The following PKD1 variants were observed in gnomAD, a reference collection of about 807,000 sequenced individuals.
PKD1 encodes polycystin-1.
A neutral mutation model predicts 361.7 loss-of-function variants in PKD1; 81 were observed. The ratio of observed to expected loss-of-function variants is 0.22; its 90% CI spans 0.19 to 0.27. The LOEUF (loss-of-function observed/expected upper bound fraction) is 0.27. Among genes scored for constraint, PKD1 ranks in the 10% least tolerant of loss-of-function variants. PKD1 has a pLI of 1.00. For missense variants in PKD1, 6,399 were observed against 6,118.3 expected, an observed-to-expected ratio of 1.05 and a Z score of -1.53; for synonymous variants, 3,615 against 2,818.3, an observed-to-expected ratio of 1.28 and a Z score of -8.95.
rs765777106 is a variant in PKD1, at chr16:2,109,321, C to T, written c.5846G>A (p.Ser1949Asn). The change falls in exon 15 of 46, where the codon AGC (serine) becomes AAC (asparagine). Residue 1949 changes from serine (S) to asparagine (N), a missense_variant. Transcript: ENST00000262304. Reference sequence around the variant, plus strand: ...GCTCACGTGGTTTTTGCCCCGCACGCTCACCACGTGGTCTCCGACGCGGGG... The same window carrying T: ...GCTCACGTGGTTTTTGCCCCGCACGTTCACCACGTGGTCTCCGACGCGGGG... Reference protein sequence around the residue: ...SFPRVGDHVVSVRGKNHVSWA... With the variant: ...SFPRVGDHVVNVRGKNHVSWA... 3 of 1,588,498 alleles carry T rather than the reference C, an allele frequency of 1.9e-6. No individual in the cohort carries two copies. In the Admixed American group the frequency reaches 5.0e-5, roughly 27 times the overall value.
At position 2,110,871 on chromosome 16, in the gene PKD1, C is replaced by T. The variant is rs1462353191; in HGVS notation, c.4296G>A (p.Thr1432=). The T allele has an allele frequency of 3.7e-6, 6 of 1,611,684 alleles. No homozygotes were observed. The highest frequency in any genetic ancestry group is 2.2e-5 in the East Asian group (1 of 44,900). Residue 1432 remains threonine, a synonymous_variant, in exon 15 of 46, where the codon ACG becomes ACA. Coordinates refer to ENST00000262304, the MANE Select transcript of PKD1 (RefSeq NM_001009944.3). The stretch of plus-strand genomic sequence containing the variant: ...AGGAGCCTGGGTCTCGGTAGATGAA[C>T]GTCACCTCAGGGCCCCTGGCACGGG... ...APTRARGPEV[T]FIYRDPGSYL... is the part of the protein sequence containing the mutation.
intron 1 of PKD1, among the ~76,000 whole-genome samples, chr16:2,124,293 G>T (rs911428280): frequency 1.3e-5 from 2 of 152,214 alleles, no homozygotes; most frequent in African/African-American, 2.4e-5. Context: ...CCACCCGGGC[G>T]TGTGAACCCC....
rs1184668098 is a variant in PKD1 at position 2,109,674 on chromosome 16, C to T, written c.5493G>A (p.Thr1831=). The T allele has an allele frequency of 6.9e-6, 11 of 1,586,210 alleles. No individual in the cohort carries two copies. Among genetic ancestry groups the T allele is most frequent in the Middle Eastern group, 2.1e-4 (1 of 4,714 alleles). ...SSVPFWGQLA[T]GTNVSWCWAV... is the part of the protein sequence containing the mutation. Reference sequence around the variant, plus strand: ...CCCAGCACCAGCTCACATTGGTGCCCGTGGCCAGCTGCCCCCAAAAGGGCA... The same window carrying T: ...CCCAGCACCAGCTCACATTGGTGCCTGTGGCCAGCTGCCCCCAAAAGGGCA... The change falls in exon 15 of 46, where the codon ACG becomes ACA. Residue 1831 remains threonine (T), a synonymous_variant. Coordinates refer to ENST00000262304, the MANE Select transcript of PKD1 (RefSeq NM_001009944.3).
chr16:2,124,840 G>T (rs541016536), intron 1 of PKD1, among the ~76,000 whole-genome samples: 1 of 152,306 alleles, frequency 6.6e-6, no homozygotes, highest in Non-Finnish European at 1.5e-5. Context: ...TTATGTAACC[G>T]CTCCTCCCTC....
rs1008137525 is a variant in PKD1, at chr16:2,135,752, C to G, written c.-63G>C. On this transcript the variant is annotated 5_prime_UTR_variant, in exon 1 of 46. Transcript: ENST00000262304. ...GCCCGCCCGCGCGCGGAGGCCGCAG[C>G]TCAGGCGGGGCCCGCGGACGGCATG... 1.9e-5 allele frequency: 18 copies of G among 964,604 alleles called. No individual in the cohort carries two copies. The highest frequency in any genetic ancestry group is 5.3e-4 in the Middle Eastern group (1 of 1,888). 59.8% of individuals were successfully genotyped at this position (964,604 alleles called of 1,614,324 possible).
rs542506120 is a variant in PKD1 at position 2,106,929 on chromosome 16, C to T, written c.7085G>A (p.Arg2362Gln). ...ACACTCCAAGGACACAATGGGCACC[C>T]GGCCACTCCGGATCAGCACCTGGCG... is the stretch of plus-strand genomic sequence containing the variant. ...TNQTVLIRSGRVPIVSLECVS... is the reference protein window; with the variant it reads ...TNQTVLIRSGQVPIVSLECVS... The change falls in exon 17 of 46, where the codon CGG (arginine) becomes CAG (glutamine). Residue 2362 changes from arginine to glutamine, a missense_variant. Arg to Gln is a conservative substitution (Grantham distance 43). Coordinates refer to ENST00000262304, the MANE Select transcript of PKD1 (RefSeq NM_001009944.3). This position sits in a 1 kb window ranked among gnomAD's most constrained non-coding sequence, Gnocchi z 6.5. The T allele has an allele frequency of 5.7e-6, 9 of 1,580,788 alleles. No homozygotes were observed. Among genetic ancestry groups the T allele is most frequent in the East Asian group, 4.5e-5 (2 of 44,800 alleles).
At position 2,090,964 on chromosome 16, in the gene PKD1, T is replaced by A; in HGVS notation, c.11923A>T (p.Thr3975Ser). ...AGCTGCGCCACCTGGTCGAAGCTAG[T>A]GAAGCGGCGCGGGCGGCCGCGCACG... The part of the protein sequence containing the change: ...RFVRGRPRRF[T>S]SFDQVAQLSS... Residue 3975 changes from threonine (T) to serine (S), a missense_variant, in exon 43 of 46, where the codon ACT (threonine) becomes TCT (serine). Thr to Ser is a moderately conservative substitution (Grantham distance 58, BLOSUM62 1). Transcript: ENST00000262304. 2 of 1,549,578 alleles carry A rather than the reference T, an allele frequency of 1.3e-6. No homozygotes were observed. Among genetic ancestry groups the A allele is most frequent in the Non-Finnish European group, 1.7e-6 (2 of 1,153,958 alleles).
In PKD1 at chr16:2,090,118, T is replaced by C; in HGVS notation, c.12521A>G (p.Asp4174Gly). 1 of 1,600,776 alleles carries C rather than the reference T, an allele frequency of 6.2e-7. No individual in the cohort carries two copies. Among genetic ancestry groups the C allele is most frequent in the Non-Finnish European group, 8.5e-7 (1 of 1,172,254 alleles). ...GGAGCCAGCGCTGGGTGGGGGCACATCCGGGGATACCTTGGAGCCCCTGGA... is the reference window on the plus strand; with the variant it reads ...GGAGCCAGCGCTGGGTGGGGGCACACCCGGGGATACCTTGGAGCCCCTGGA... ...RSSRGSKVSP[D>G]VPPPSAGSDA... The change falls in exon 46 of 46, where the codon GAT becomes GGT. Residue 4174 changes from aspartate to glycine, a missense_variant. By Grantham distance (94) the Asp-to-Gly change is moderately conservative (BLOSUM62 -1). Coordinates refer to ENST00000262304, the MANE Select transcript of PKD1 (RefSeq NM_001009944.3).
chr16:2,110,105 G>C lies in PKD1; in HGVS notation c.5062C>G (p.Leu1688Val), dbSNP rs772082318. Residue 1688 changes from leucine to valine, a missense_variant, in exon 15 of 46, where the codon CTC becomes GTC. Transcript: ENST00000262304. ...GSGKGFSLTV[L>V]EAGTYHVQLR... ...TGCACATGGTAGGTGCCGGCCTCGA[G>C]CACGGTGAGCGAGAAGCCTTTGCCG... 1.9e-6 allele frequency: 3 copies of C among 1,609,684 alleles called. No homozygotes were observed. Among genetic ancestry groups the C allele is most frequent in the East Asian group, 2.2e-5 (1 of 44,844 alleles).
rs180793724 is a variant in PKD1, at chr16:2,120,378, A to T, written c.216-1000T>A. 1.5e-3 allele frequency: 225 copies of T among 153,460 alleles called. 1 individual carries two copies. The highest frequency in any genetic ancestry group is 4.0e-3 in the Admixed American group (62 of 15,394). The allele number at this position is 153,460 out of a possible 1,614,324, so 9.5% of individuals were successfully genotyped here. ...TTACACGACATACTAAAGGCCAAAA[A>T]TACCCTCCTGACACACAGCTAATAA... On this transcript the variant is annotated intron_variant, in intron 1 of 45. Coordinates refer to ENST00000262304, the MANE Select transcript of PKD1 (RefSeq NM_001009944.3).
In PKD1 at chr16:2,116,514, T is replaced by TG. The variant is rs1195686531; in HGVS notation, c.1722+14dup. The TG allele has an allele frequency of 9.3e-6, 13 of 1,404,266 alleles. No homozygotes were observed. Among genetic ancestry groups the TG allele is most frequent in the Non-Finnish European group, 1.2e-5 (12 of 1,022,852 alleles). The allele number at this position is 1,404,266 out of a possible 1,614,324, so 87.0% of individuals were successfully genotyped here. On this transcript the variant is annotated intron_variant, in intron 8 of 45. Coordinates refer to ENST00000262304, the MANE Select transcript of PKD1 (RefSeq NM_001009944.3). Reference sequence around the variant, plus strand: ...AGGCAGGAGGGCAGGTTGTAGAACGTGGGGGGCCGACTACCTCCACGGGCT... The same window carrying TG: ...AGGCAGGAGGGCAGGTTGTAGAACGTGGGGGGGCCGACTACCTCCACGGGCT...
In PKD1 at chr16:2,114,823, C is replaced by T. The variant is rs1311664031; in HGVS notation, c.2200G>A (p.Gly734Ser). The T allele has an allele frequency of 1.9e-5, 24 of 1,237,790 alleles. No homozygotes were observed. The highest frequency in any genetic ancestry group is 1.2e-4 in the Admixed American group (6 of 50,458). The allele number at this position is 1,237,790 out of a possible 1,614,324, so 76.7% of individuals were successfully genotyped here. The change falls in exon 11 of 46, where the codon GGC becomes AGC. Residue 734 changes from glycine to serine, a missense_variant. Transcript: ENST00000262304. The part of the protein sequence containing the change: ...GALLHCSPAP[G>S]HPGPRAPYLS... ...TACGGGGCCCGGGGACCAGGGTGGC[C>T]GGGAGCCGGCGAGCAGTGCAGGAGG...
chr16:2,111,314 G>T lies in PKD1; in HGVS notation c.3853C>A (p.Arg1285=). ...ACGAAGACCAGCACGTGCAGGCTCCGGGCCAGGTGGCCGGCGGGGCTGGCC... is the reference window on the plus strand; with the variant it reads ...ACGAAGACCAGCACGTGCAGGCTCCTGGCCAGGTGGCCGGCGGGGCTGGCC... ...GAASPAGHLA[R]SLHVLVFVLE... is the part of the protein sequence containing the mutation. Residue 1285 remains arginine (R), a synonymous_variant, in exon 15 of 46, where the codon CGG becomes AGG. Transcript: ENST00000262304. The T allele has an allele frequency of 2.5e-6, 4 of 1,608,738 alleles. No homozygotes were observed. Among genetic ancestry groups the T allele is most frequent in the Non-Finnish European group, 3.4e-6 (4 of 1,179,000 alleles).
rs574287355 is a variant in PKD1 at position 2,103,437 on chromosome 16, C to A, written c.8620G>T (p.Val2874Leu). The change falls in exon 23 of 46, where the codon GTG becomes TTG. Residue 2874 changes from valine to leucine, a missense_variant. By Grantham distance (32) the Val-to-Leu change is conservative (BLOSUM62 1). Coordinates refer to ENST00000262304, the MANE Select transcript of PKD1 (RefSeq NM_001009944.3). Reference sequence around the variant, plus strand: ...CAGTCCGAGTTGTTGGGCACCTTCACGGTGATGGCGCGCTCTGAGGCCAGC... The same window carrying A: ...CAGTCCGAGTTGTTGGGCACCTTCAAGGTGATGGCGCGCTCTGAGGCCAGC... The part of the protein sequence containing the change: ...ERLASERAIT[V>L]KVPNNSDWAA... The A allele has an allele frequency of 6.3e-7, 1 of 1,599,164 alleles. No individual in the cohort carries two copies. The highest frequency in any genetic ancestry group is 1.1e-5 in the South Asian group (1 of 90,990).
chr16:2,134,727 G>T (rs2092929698), intron 1 of PKD1, among the ~76,000 whole-genome samples: 1 of 147,330 alleles, frequency 6.8e-6, no homozygotes, highest in Admixed American at 6.8e-5. Flanking sequence ...TCCGCATGAC[G>T]ACCCCCAACA....
rs781622501 is a variant in PKD1 at position 2,090,927 on chromosome 16, G to C, written c.11960C>G (p.Ala3987Gly). ...FDQVAQLSSA[A>G]RGLAASLLFL... ...GAGCAGCGAGGCCGCCAGGCCACGG[G>C]CTGCGGAGCTCAGCTGCGCCACCTG... The change falls in exon 43 of 46, where the codon GCC becomes GGC. Residue 3987 changes from alanine to glycine, a missense_variant. By Grantham distance (60) the Ala-to-Gly change is moderately conservative. Transcript: ENST00000262304. 3 of 1,581,540 alleles carry C rather than the reference G, an allele frequency of 1.9e-6. No homozygotes were observed. Among genetic ancestry groups the C allele is most frequent in the Non-Finnish European group, 2.6e-6 (3 of 1,170,628 alleles).
Position 2,102,800 on chromosome 16 carries a change from C to T in PKD1, c.8948+14G>A, listed in dbSNP as rs747273539. Reference sequence around the variant, plus strand: ...GCCCTGCCCTGCCCTGCCAGGCTGGCCCGCAGAGCTCACCCCGGGGAAATG... The same window carrying T: ...GCCCTGCCCTGCCCTGCCAGGCTGGTCCGCAGAGCTCACCCCGGGGAAATG... On this transcript the variant is annotated intron_variant, in intron 24 of 45. Coordinates refer to ENST00000262304, the MANE Select transcript of PKD1 (RefSeq NM_001009944.3). 10 of 1,609,734 alleles carry T rather than the reference C, an allele frequency of 6.2e-6. No individual in the cohort carries two copies. Among genetic ancestry groups the T allele is most frequent in the Non-Finnish European group, 5.9e-6 (7 of 1,179,730 alleles).
At position 2,116,122 on chromosome 16, in the gene PKD1, G is replaced by T. The variant is rs973160933; in HGVS notation, c.1723-4C>A. On this transcript the variant is annotated splice_region_variant and splice_polypyrimidine_tract_variant and intron_variant, in intron 8 of 45. Coordinates refer to ENST00000262304, the MANE Select transcript of PKD1 (RefSeq NM_001009944.3). ...GCAGGCCCGGGAATACCATGACCTGGTGGGCAGGGGGCCGCCTCAGCTCCA... is the reference window on the plus strand; with the variant it reads ...GCAGGCCCGGGAATACCATGACCTGTTGGGCAGGGGGCCGCCTCAGCTCCA... 5.1e-6 allele frequency: 8 copies of T among 1,559,246 alleles called. No homozygotes were observed. In the African/African-American group the frequency reaches 1.1e-4, roughly 21 times the overall value.
Position 2,097,332 on chromosome 16 carries a change from G to C in PKD1, c.10392C>G (p.Ser3464=), listed in dbSNP as rs139959856. 1.2e-6 allele frequency: 2 copies of C among 1,612,732 alleles called. No individual in the cohort carries two copies. The highest frequency in any genetic ancestry group is 1.7e-6 in the Non-Finnish European group (2 of 1,179,996). ...SLASPYSPAK[S]FSASDEDLIQ... ...ACCCCAGCTCACCTGATGCTGAGAA[G>C]GATTTGGCAGGCGAGTAGGGGCTGG... The change falls in exon 33 of 46, where the codon TCC becomes TCG. Residue 3464 remains serine (S), a synonymous_variant. Transcript: ENST00000262304.
Sources: allele counts gnomAD v4.1 joint callset (sites outside exome capture counted in the v4.1 genomes callset), GRCh38; gene constraint gnomAD v4.1.1; non-coding constraint Gnocchi (gnomAD v3.1); transcripts MANE v1.5; gene names NCBI Gene and HGNC (gene_info 2026-07-23, HGNC 2026-07-21).